Variants in SRGAP1 observed in about 807,000 individuals in gnomAD.
SRGAP1 encodes the protein SLIT-ROBO Rho GTPase-activating protein 1.
SRGAP1 carries 43 observed loss-of-function variants against 121.9 expected under a neutral mutation model. That is an observed-to-expected ratio of 0.35 (90% CI 0.28 to 0.46). The LOEUF (loss-of-function observed/expected upper bound fraction) is 0.46. Among genes scored for constraint, SRGAP1 ranks in the 20% least tolerant of loss-of-function variants. The pLI, the probability that SRGAP1 is intolerant of heterozygous loss-of-function variation, is 1.00. For synonymous variants in SRGAP1, 447 were observed against 485.4 expected (o/e 0.92, Z 1.04); for missense variants, 1,102 against 1,350.9 (o/e 0.82, Z 2.89).
intron 15 of SRGAP1, among the ~76,000 whole-genome samples, chr12:64,098,682 AAAAAT>A (rs2036207750): frequency 6.6e-6 from 1 of 151,414 alleles, no homozygotes; most frequent in African/African-American, 2.5e-5. Context: ...AAAAAAATAA[AAAAAT>A]AAAAAAGCTA....
rs2035478790 is a variant in SRGAP1, at chr12:64,063,053, G to A, written c.938G>A (p.Ser313Asn). ...ENAVDNLEPR[S>N]DKQRFMEMYP... is the part of the protein sequence containing the mutation. ...GCAGTTGATAATTTAGAGCCCAGGA[G>A]CGATAAGCAGAGATTCATGGAGATG... is the stretch of plus-strand genomic sequence containing the variant. The change falls in exon 7 of 22, where the codon AGC becomes AAC. Residue 313 changes from serine to asparagine, a missense_variant. This residue lies in a region of SRGAP1 where 747 missense variants were observed against 929.4 expected (regional missense o/e 0.80). Coordinates refer to ENST00000355086, the MANE Select transcript of SRGAP1 (RefSeq NM_020762.4). The A allele has an allele frequency of 6.2e-7, 1 of 1,613,998 alleles. No individual in the cohort carries two copies. The highest frequency in any genetic ancestry group is 1.3e-5 in the African/African-American group (1 of 74,922).
At chr12:63,961,177 C>A (rs141144329) in intron 1 of SRGAP1, among the ~76,000 whole-genome samples, 10 of 152,230 alleles carry the variant, frequency 6.6e-5, no homozygotes, top group African/African-American at 2.4e-4. Flanking sequence ...CATTTTCTAG[C>A]CATACCACGT....
chr12:63,884,962 C>G (rs900122727), intron 1 of SRGAP1, among the ~76,000 whole-genome samples: 1 of 152,024 alleles, frequency 6.6e-6, no homozygotes, highest in African/African-American at 2.4e-5. Context: ...CCTCGTGATC[C>G]GCCCGCCTCG....
At chr12:64,098,578 G>T (rs1236437453) in intron 15 of SRGAP1, among the ~76,000 whole-genome samples, 2 of 151,974 alleles carry the variant, frequency 1.3e-5, no homozygotes, top group African/African-American at 2.4e-5. Context: ...GCTGAAGCAG[G>T]AGGATCACTT....
chr12:63,996,928 AATTTGT>A (rs2033728654), intron 3 of SRGAP1, among the ~76,000 whole-genome samples: 1 of 152,102 alleles, frequency 6.6e-6, no homozygotes, highest in Non-Finnish European at 1.5e-5. Context: ...AAATATTTTT[AATTTGT>A]ATTTATAAAT....
intron 1 of SRGAP1, among the ~76,000 whole-genome samples, chr12:63,964,882 C>A (rs2032744578): frequency 6.6e-6 from 1 of 152,042 alleles, no homozygotes; most frequent in South Asian, 2.1e-4. Context: ...TACTTTGCTC[C>A]CAAATTAAGG....
chr12:64,148,734 TTTTA>T lies in SRGAP1; in HGVS notation c.*6065_*6068del, dbSNP rs1489822252. The T allele has an allele frequency of 6.6e-6, 1 of 152,156 alleles. No individual in the cohort carries two copies. The highest frequency in any genetic ancestry group is 2.4e-5 in the African/African-American group (1 of 41,416). The allele number at this position is 152,156 out of a possible 1,614,324, so 9.4% of individuals were successfully genotyped here. A position where few individuals can be genotyped will look rare whatever the true frequency, so the allele number is the denominator to read the frequency against. On this transcript the variant is annotated 3_prime_UTR_variant, in exon 22 of 22. Coordinates refer to ENST00000355086, the MANE Select transcript of SRGAP1 (RefSeq NM_020762.4). ...GACAGGCAAATCAAGGAAAAACACT[TTTTA>T]TTAAAGTGCAGAATACTAACAAAAG...
At chr12:63,982,655 T>G (rs1179386122) in intron 1 of SRGAP1, 1 of 152,212 alleles carries the variant, frequency 6.6e-6, no homozygotes, top group Non-Finnish European at 1.5e-5. Context: ...TTCTACTAAC[T>G]CCACTGAATT....
rs117190889 is a variant in SRGAP1 at position 63,977,013 on chromosome 12, G to A, written c.68-6934G>A. On this transcript the variant is annotated intron_variant, in intron 1 of 21. Transcript: ENST00000355086. ...CTAGTGAAGTGGAGAAATTGCCTTT[G>A]TTTATTCAGTTGATTCACTTAAAAA... 2.3e-4 allele frequency among the ~76,000 whole-genome samples: 35 copies of A among 150,570 alleles called. No individual in the cohort carries two copies. In the East Asian group the frequency reaches 6.9e-3, roughly 30 times the overall value.
chr12:64,003,345 C>T (rs2033968281), intron 3 of SRGAP1, among the ~76,000 whole-genome samples: 1 of 152,026 alleles, frequency 6.6e-6, no homozygotes, highest in South Asian at 2.1e-4. Context: ...CTTTGGCCTC[C>T]TGAAGTGCTG....
At chr12:63,854,991 A>T (rs1899190642) in intron 1 of SRGAP1, among the ~76,000 whole-genome samples, 4 of 152,170 alleles carry the variant, frequency 2.6e-5, no homozygotes, top group Admixed American at 2.6e-4. Context: ...GCATTGAGCA[A>T]TGTGCTAGTT....
intron 6 of SRGAP1, among the ~76,000 whole-genome samples, chr12:64,043,881 C>G (rs566412622): frequency 1.3e-5 from 2 of 152,280 alleles, no homozygotes; most frequent in African/African-American, 4.8e-5. Context: ...TGGCACAGCC[C>G]TAACTGCATT....
At chr12:63,870,109 A>G (rs1457713865) in intron 1 of SRGAP1, among the ~76,000 whole-genome samples, 5 of 152,232 alleles carry the variant, frequency 3.3e-5, no homozygotes, top group Non-Finnish European at 7.3e-5. Context: ...CCAAAAAACT[A>G]GGAAGAATGA....
intron 1 of SRGAP1, among the ~76,000 whole-genome samples, chr12:63,935,550 T>C (rs2031636934): frequency 6.6e-6 from 1 of 152,200 alleles, no homozygotes; most frequent in Admixed American, 6.5e-5. Context: ...TGGCTTCAAT[T>C]ATAAGTATAA....
intron 15 of SRGAP1, among the ~76,000 whole-genome samples, chr12:64,102,580 C>A (rs1355706161): frequency 1.3e-5 from 2 of 152,174 alleles, no homozygotes; most frequent in Non-Finnish European, 2.9e-5. Flanking sequence ...ATAACCACCA[C>A]CACCCCCGGC....
intron 4 of SRGAP1, among the ~76,000 whole-genome samples, chr12:64,039,462 C>G (rs2034965444): frequency 6.6e-6 from 1 of 152,126 alleles, no homozygotes; most frequent in African/African-American, 2.4e-5. Flanking sequence ...GTGTCCAAGT[C>G]AAGCAAGAGT....
chr12:63,892,023 A>G (rs76638014), intron 1 of SRGAP1, among the ~76,000 whole-genome samples: 4,121 of 151,724 alleles, frequency 0.027, 87 homozygotes, highest in African/African-American at 0.06. Context: ...AAGAAAAGAG[A>G]TGAAGGTCGT....
chr12:64,007,341 C>T (rs2034116282), intron 3 of SRGAP1, among the ~76,000 whole-genome samples: 1 of 152,122 alleles, frequency 6.6e-6, no homozygotes, highest in Non-Finnish European at 1.5e-5. Context: ...ATTAGATTCT[C>T]ATAAGGAGCA....
At chr12:64,044,418 G>C (rs926817384) in intron 6 of SRGAP1, among the ~76,000 whole-genome samples, 1 of 151,988 alleles carries the variant, frequency 6.6e-6, no homozygotes, top group African/African-American at 2.4e-5. Context: ...AGGTTCAGAG[G>C]GTTATCTGCT....
Sources: allele counts gnomAD v4.1 joint callset (sites outside exome capture counted in the v4.1 genomes callset), GRCh38; gene constraint gnomAD v4.1.1; regional missense constraint gnomAD v4.1.1; transcripts MANE v1.5; gene names NCBI Gene and HGNC (gene_info 2026-07-23, HGNC 2026-07-21).